NXPH1: variants seen among roughly 807,000 people sequenced by gnomAD.
NXPH1 encodes the protein neurexophilin 1, also known as neurexophilin-1.
In NXPH1, 5 loss-of-function variants were observed where a neutral mutation model predicts 23.7. The ratio of observed to expected loss-of-function variants is 0.21; its 90% CI spans 0.11 to 0.44. The LOEUF is 0.44. NXPH1 is among the 20% of genes least tolerant of loss of function. The pLI is 0.99. For synonymous variants in NXPH1, 144 were observed against 122.2 expected, an observed-to-expected ratio of 1.18 and a Z score of -1.18; for missense variants, 324 against 321.6, an observed-to-expected ratio of 1.01 and a Z score of -0.06.
At chr7:8,509,915 C>G (rs1023604946) in intron 2 of NXPH1, among the ~76,000 whole-genome samples, 4 of 152,154 alleles carry the variant, frequency 2.6e-5, no homozygotes, top group African/African-American at 9.6e-5. Context: ...GCAACATCTG[C>G]TTAATGACAG....
intron 2 of NXPH1, among the ~76,000 whole-genome samples, chr7:8,526,787 A>G (rs2128616698): frequency 6.6e-6 from 1 of 152,198 alleles, no homozygotes; most frequent in South Asian, 2.1e-4. Flanking sequence ...GCCATGTGGA[A>G]CTCTAAGTCC....
At chr7:8,681,302 C>T (rs1821045362) in intron 2 of NXPH1, among the ~76,000 whole-genome samples, 2 of 152,122 alleles carry the variant, frequency 1.3e-5, no homozygotes, top group Admixed American at 1.3e-4. Context: ...TGCAAAAATA[C>T]CAAATATAAA....
intron 2 of NXPH1, among the ~76,000 whole-genome samples, chr7:8,729,433 G>A (rs1780112134): frequency 7.2e-6 from 1 of 139,548 alleles, no homozygotes; most frequent in African/African-American, 2.8e-5. Context: ...TGTGATGTTA[G>A]GGTGTCAATT....
chr7:8,713,966 G>C (rs765629080), intron 2 of NXPH1, among the ~76,000 whole-genome samples: 1 of 152,124 alleles, frequency 6.6e-6, no homozygotes, highest in Non-Finnish European at 1.5e-5. Context: ...ACCACTGTTT[G>C]GCTACTGCCT....
chr7:8,567,110 G>A (rs1297103021), intron 2 of NXPH1, among the ~76,000 whole-genome samples: 1 of 151,676 alleles, frequency 6.6e-6, no homozygotes. Flanking sequence ...CCTACTAACT[G>A]GTTTGGCTCT....
At chr7:8,499,210 C>T (rs571555837) in intron 2 of NXPH1, among the ~76,000 whole-genome samples, 1 of 152,146 alleles carries the variant, frequency 6.6e-6, no homozygotes, top group South Asian at 2.1e-4. Flanking sequence ...ACTTTAAAGT[C>T]TCTTCTATCA....
chr7:8,507,900 C>CAG (rs1817555978), intron 2 of NXPH1, among the ~76,000 whole-genome samples: 1 of 152,072 alleles, frequency 6.6e-6, no homozygotes, highest in Non-Finnish European at 1.5e-5. Flanking sequence ...AGAAAACAGC[C>CAG]AGAGTGTTCT....
chr7:8,645,976 T>C (rs1562441153), intron 2 of NXPH1, among the ~76,000 whole-genome samples: 1 of 152,100 alleles, frequency 6.6e-6, no homozygotes, highest in East Asian at 1.9e-4. Flanking sequence ...ATGAAGTATT[T>C]TTTTCCTTTG....
intron 2 of NXPH1, among the ~76,000 whole-genome samples, chr7:8,565,762 C>T (rs1287624512): frequency 6.6e-6 from 1 of 151,684 alleles, no homozygotes; most frequent in African/African-American, 2.4e-5. Context: ...ACCTCTTGGC[C>T]CATCGTTACT....
intron 2 of NXPH1, among the ~76,000 whole-genome samples, chr7:8,702,557 A>G (rs139093146): frequency 6.3e-4 from 96 of 152,208 alleles, no homozygotes; most frequent in African/African-American, 2.2e-3. Context: ...GGGAAAGAAT[A>G]TAAAACCATC....
At chr7:8,581,917 C>G (rs1288864176) in intron 2 of NXPH1, among the ~76,000 whole-genome samples, 1 of 152,120 alleles carries the variant, frequency 6.6e-6, no homozygotes, top group Non-Finnish European at 1.5e-5. Flanking sequence ...ATCTTCTGCC[C>G]CTGCTGCCTC....
At chr7:8,527,227 A>G (rs994069195) in intron 2 of NXPH1, among the ~76,000 whole-genome samples, 8 of 152,168 alleles carry the variant, frequency 5.3e-5, no homozygotes, top group South Asian at 2.1e-4. Context: ...GGTTCACGCT[A>G]TTGTTGCAAG....
chr7:8,717,397 T>A (rs1779894802), intron 2 of NXPH1, among the ~76,000 whole-genome samples: 1 of 152,184 alleles, frequency 6.6e-6, no homozygotes, highest in South Asian at 2.1e-4. Flanking sequence ...ACAAATTGAC[T>A]GACTGATCTT....
chr7:8,654,717 T>C (rs1246206995), intron 2 of NXPH1, among the ~76,000 whole-genome samples: 1 of 152,186 alleles, frequency 6.6e-6, no homozygotes, highest in African/African-American at 2.4e-5. Flanking sequence ...TACTTTATGT[T>C]TGGGAAGAGG....
At chr7:8,523,298 G>C (rs1817804302) in intron 2 of NXPH1, among the ~76,000 whole-genome samples, 1 of 152,186 alleles carries the variant, frequency 6.6e-6, no homozygotes, top group Non-Finnish European at 1.5e-5. Context: ...CTAATATTGG[G>C]AGATGTTAAT....
intron 2 of NXPH1, among the ~76,000 whole-genome samples, chr7:8,543,338 T>C (rs1253072788): frequency 6.6e-6 from 1 of 151,792 alleles, no homozygotes; most frequent in East Asian, 1.9e-4. Context: ...TTCTCCTCTA[T>C]TATTCTGATG....
At chr7:8,646,877 A>G (rs1038805464) in intron 2 of NXPH1, among the ~76,000 whole-genome samples, 13 of 150,626 alleles carry the variant, frequency 8.6e-5, no homozygotes, top group African/African-American at 3.2e-4. Flanking sequence ...TTTTTTTTAA[A>G]GGCAATAAAC....
chr7:8,529,155 A>G (rs1207892364), intron 2 of NXPH1, among the ~76,000 whole-genome samples: 2 of 152,252 alleles, frequency 1.3e-5, no homozygotes, highest in African/African-American at 4.8e-5. Flanking sequence ...CCTCTCTGTC[A>G]CATCTCTCTG....
At chr7:8,489,243 A>G (rs910114758) in intron 2 of NXPH1, among the ~76,000 whole-genome samples, 1 of 151,632 alleles carries the variant, frequency 6.6e-6, no homozygotes, top group Non-Finnish European at 1.5e-5. Context: ...TCTATACAGA[A>G]CTCTCTGGAA....
Sources: allele counts gnomAD v4.1 joint callset (sites outside exome capture counted in the v4.1 genomes callset), GRCh38; gene constraint gnomAD v4.1.1; transcripts MANE v1.5; gene names NCBI Gene and HGNC (gene_info 2026-07-23, HGNC 2026-07-21).